The following CAMK4 variants were observed in gnomAD, a reference collection of about 807,000 sequenced individuals.
The protein encoded by CAMK4 is calcium/calmodulin dependent protein kinase IV.
Under a neutral mutation model 44.9 loss-of-function variants are expected in CAMK4, and 22 were observed. The ratio of observed to expected loss-of-function variants is 0.49; its 90% CI spans 0.35 to 0.70. The LOEUF is 0.70. Ranked by LOEUF, CAMK4 falls within the 30% of genes least tolerant of loss-of-function variation. CAMK4 has a pLI of 0.01. For missense variants in CAMK4, 498 were observed against 586.8 expected (o/e 0.85, Z 1.56); for synonymous variants, 218 against 215.4 (o/e 1.01, Z -0.11).
chr5:111,457,294 A>G (rs1267896519), intron 7 of CAMK4, among the ~76,000 whole-genome samples: 4 of 152,224 alleles, frequency 2.6e-5, no homozygotes, highest in Non-Finnish European at 1.5e-5. Context: ...TCAAGAATCC[A>G]GGAACTAAAA....
intron 2 of CAMK4, chr5:111,357,907 A>G (rs569382291): frequency 6.6e-6 from 1 of 152,188 alleles, no homozygotes; most frequent in Admixed American, 6.5e-5. Flanking sequence ...AAAATACACA[A>G]TAGCATGTAT....
At chr5:111,452,497 A>G (rs1754271718) in intron 7 of CAMK4, among the ~76,000 whole-genome samples, 1 of 152,182 alleles carries the variant, frequency 6.6e-6, no homozygotes, top group Non-Finnish European at 1.5e-5. Context: ...CAGACAAATT[A>G]GCTATTGTAA....
chr5:111,346,962 C>T (rs973432837), intron 2 of CAMK4, among the ~76,000 whole-genome samples: 30 of 151,860 alleles, frequency 2.0e-4, no homozygotes, highest in African/African-American at 6.5e-4. Flanking sequence ...CTTATGAGCA[C>T]GGGTACACTA....
At chr5:111,406,008 G>GATCAATCAAAGATCTCATT (rs1752410917) in intron 5 of CAMK4, among the ~76,000 whole-genome samples, 1 of 151,930 alleles carries the variant, frequency 6.6e-6, no homozygotes, top group Non-Finnish European at 1.5e-5. Context: ...AGGACTTAGA[G>GATCAATCAAAGATCTCATT]GATCAATGAG....
In CAMK4 at chr5:111,290,862, C is replaced by T. The variant is rs774337696; in HGVS notation, c.162-53162C>T. ...TTTATTTAAAAGTGAATATGTAAAA[C>T]GTATGGAACCACATAAGCAGATTTG... On this transcript the variant is annotated intron_variant, in intron 1 of 10. Transcript: ENST00000282356. This position sits in a 1 kb window ranked among gnomAD's most constrained non-coding sequence, Gnocchi z 4.5. 3.3e-5 allele frequency among the ~76,000 whole-genome samples: 5 copies of T among 152,144 alleles called. No individual in the cohort carries two copies. The highest frequency in any genetic ancestry group is 2.1e-4 in the South Asian group (1 of 4,836).
chr5:111,269,121 G>C (rs939274472), intron 1 of CAMK4, among the ~76,000 whole-genome samples: 11 of 152,158 alleles, frequency 7.2e-5, no homozygotes, highest in Admixed American at 6.5e-4. Context: ...TTATAGTTTT[G>C]TGCATGGAAA....
Position 111,243,875 on chromosome 5 carries a change from A to G in CAMK4, c.161+19231A>G, listed in dbSNP as rs140147436. Among the ~76,000 whole-genome samples the G allele has an allele frequency of 4.4e-3, 669 of 152,306 alleles. 5 individuals carry two copies. Among genetic ancestry groups the G allele is most frequent in the African/African-American group, 0.015 (631 of 41,552 alleles). Reference sequence around the variant, plus strand: ...AATGCAACATGCATTCATCTTCACCATTCTTAAGATTCTGACTTAGATTTT... The same window carrying G: ...AATGCAACATGCATTCATCTTCACCGTTCTTAAGATTCTGACTTAGATTTT... On this transcript the variant is annotated intron_variant, in intron 1 of 10. Coordinates refer to ENST00000282356, the MANE Select transcript of CAMK4 (RefSeq NM_001744.6).
At chr5:111,463,916 T>A (rs1754729676) in intron 7 of CAMK4, among the ~76,000 whole-genome samples, 1 of 151,748 alleles carries the variant, frequency 6.6e-6, no homozygotes, top group African/African-American at 2.4e-5. Context: ...ACAATTCTGG[T>A]AATATGACAA....
rs376614205 is a variant in CAMK4, at chr5:111,313,746, C to T, written c.162-30278C>T. On this transcript the variant is annotated intron_variant, in intron 1 of 10. Coordinates refer to ENST00000282356, the MANE Select transcript of CAMK4 (RefSeq NM_001744.6). ...TTCATTTTAATTGTCAAAGAAAAAC[C>T]CCTCTCTTTAAGTGAATTTCATCTG... Among the ~76,000 whole-genome samples, 38 of 151,966 alleles carry T rather than the reference C, an allele frequency of 2.5e-4. 2 individuals carry two copies. The highest frequency in any genetic ancestry group is 9.7e-4 in the East Asian group (5 of 5,162).
intron 5 of CAMK4, among the ~76,000 whole-genome samples, chr5:111,418,767 T>C (rs1752909719): frequency 6.6e-6 from 1 of 152,188 alleles, no homozygotes; most frequent in Non-Finnish European, 1.5e-5. Context: ...ACAAAGGACA[T>C]GAAGTCTTCA....
At chr5:111,254,702 G>A (rs1020073685) in intron 1 of CAMK4, among the ~76,000 whole-genome samples, 5 of 152,140 alleles carry the variant, frequency 3.3e-5, no homozygotes, top group South Asian at 4.1e-4. Flanking sequence ...TCCCCCAGGC[G>A]AAGGAGTTGT....
chr5:111,369,297 C>G (rs529458644), intron 2 of CAMK4, among the ~76,000 whole-genome samples: 8 of 151,892 alleles, frequency 5.3e-5, no homozygotes, highest in Non-Finnish European at 1.2e-4. Context: ...ACTCCTGGCT[C>G]CAAGTGATCC....
chr5:111,456,918 A>C (rs535636958), intron 7 of CAMK4, among the ~76,000 whole-genome samples: 1 of 152,380 alleles, frequency 6.6e-6, no homozygotes, highest in East Asian at 1.9e-4. Context: ...ACAGGAAGAC[A>C]AAGTCTCCTC....
At chr5:111,396,920 C>T (rs1464408207) in intron 5 of CAMK4, among the ~76,000 whole-genome samples, 3 of 152,188 alleles carry the variant, frequency 2.0e-5, no homozygotes, top group South Asian at 2.1e-4. Context: ...GAATTACAGG[C>T]GTGAGCCACC....
chr5:111,350,753 T>G (rs376438458), intron 2 of CAMK4, among the ~76,000 whole-genome samples: 2 of 152,100 alleles, frequency 1.3e-5, no homozygotes, highest in African/African-American at 4.8e-5. Flanking sequence ...TCTACAAAAT[T>G]TTCCATAAAT....
chr5:111,319,776 A>T (rs1357522200), intron 1 of CAMK4, among the ~76,000 whole-genome samples: 1 of 152,206 alleles, frequency 6.6e-6, no homozygotes, highest in African/African-American at 2.4e-5. Context: ...GAATGCTAGT[A>T]CTACATTTCT....
intron 1 of CAMK4, among the ~76,000 whole-genome samples, chr5:111,277,171 A>G (rs1317642351): frequency 1.3e-5 from 2 of 152,238 alleles, no homozygotes; most frequent in Non-Finnish European, 2.9e-5. Flanking sequence ...TTTTACAGAC[A>G]GAACGCATGA....
chr5:111,282,577 T>C (rs1288827690), intron 1 of CAMK4, among the ~76,000 whole-genome samples: 1 of 152,220 alleles, frequency 6.6e-6, no homozygotes, highest in Non-Finnish European at 1.5e-5. Context: ...GCTTTGTGTG[T>C]TTTCTTTCAG....
rs557301002 is a variant in CAMK4 at position 111,338,123 on chromosome 5, T to G, written c.162-5901T>G. 2.3e-3 allele frequency among the ~76,000 whole-genome samples: 348 copies of G among 151,266 alleles called. 3 individuals are homozygous for G. The highest frequency in any genetic ancestry group is 8.2e-3 in the African/African-American group (341 of 41,426). On this transcript the variant is annotated intron_variant, in intron 1 of 10. Coordinates refer to ENST00000282356, the MANE Select transcript of CAMK4 (RefSeq NM_001744.6). ...CAAATCATTTTTCATTGGAAATAAT[T>G]ATATATTTTTATAGTGTAAATATGA...
Sources: gnomAD v4.1 joint callset for allele counts (sites outside exome capture counted in the v4.1 genomes callset) on GRCh38, gnomAD v4.1.1 for gene constraint, Gnocchi (gnomAD v3.1) non-coding constraint, MANE v1.5 for transcripts, NCBI Gene and HGNC (gene_info 2026-07-23, HGNC 2026-07-21) for gene names.